TGM6: variants seen among roughly 807,000 people sequenced by gnomAD.
The protein encoded by TGM6 is protein-glutamine gamma-glutamyltransferase 6.
TGM6 carries 74 observed loss-of-function variants against 77.5 expected under a neutral mutation model. That is an observed-to-expected ratio of 0.96 (90% CI 0.79 to 1.16). TGM6 has a LOEUF of 1.16. TGM6 is among the 50% of genes most tolerant of loss of function. The pLI is 0.00. For synonymous variants in TGM6, 383 were observed against 378.9 expected (o/e 1.01, Z -0.12); for missense variants, 968 against 940.2 (o/e 1.03, Z -0.39).
chr20:2,408,431 G>A (rs910460852), intron 9 of TGM6, among the ~76,000 whole-genome samples: 4 of 152,100 alleles, frequency 2.6e-5, no homozygotes, highest in Non-Finnish European at 5.9e-5. Context: ...AGCACATATC[G>A]CAACTTGATA....
intron 10 of TGM6, among the ~76,000 whole-genome samples, chr20:2,421,423 C>A (rs1017283935): frequency 2.6e-5 from 4 of 152,202 alleles, no homozygotes; most frequent in Non-Finnish European, 5.9e-5. Flanking sequence ...AATATATGAG[C>A]ATTCCTGTTG....
intron 1 of TGM6, among the ~76,000 whole-genome samples, chr20:2,388,672 C>A (rs2084612047): frequency 6.6e-6 from 1 of 151,310 alleles, no homozygotes; most frequent in African/African-American, 2.4e-5. Flanking sequence ...GTTTTATCAT[C>A]TGTGACATTG....
intron 10 of TGM6, among the ~76,000 whole-genome samples, chr20:2,427,780 G>A (rs1471664968): frequency 6.6e-6 from 1 of 152,108 alleles, no homozygotes; most frequent in African/African-American, 2.4e-5. Flanking sequence ...TTTTCAGACA[G>A]AGTCTCGTTC....
chr20:2,399,478 A>C, intron 5 of TGM6, 83 bp from the exon 6 acceptor site: 1 of 1,605,026 alleles, frequency 6.2e-7, no homozygotes, highest in Non-Finnish European at 8.5e-7. Flanking sequence ...TGGTGGTCCA[A>C]AGTTGGACAG....
chr20:2,406,767 G>A (rs1209589786), intron 9 of TGM6, among the ~76,000 whole-genome samples: 24 of 144,232 alleles, frequency 1.7e-4, no homozygotes, highest in African/African-American at 4.2e-4. Flanking sequence ...CCTGGGAGGC[G>A]GAGGTTGCAG....
rs2084689929 is a variant in TGM6 at position 2,399,425 on chromosome 20, T to G, written c.673-136T>G. 3 of 1,171,154 alleles carry G rather than the reference T, an allele frequency of 2.6e-6. No individual in the cohort carries two copies. In the African/African-American group the frequency reaches 4.5e-5, roughly 18 times the overall value. The allele number at this position is 1,171,154 out of a possible 1,614,324, so 72.5% of individuals were successfully genotyped here. ...GGTATTTTAAGGCAACAGATGCCCC[T>G]AATTTTCAGACAGTTAAAAAGCAAG... On this transcript the variant is annotated intron_variant, in intron 5 of 12. Transcript: ENST00000202625.
intron 12 of TGM6, among the ~76,000 whole-genome samples, 153 bp from the exon 13 acceptor site, chr20:2,432,337 C>A (rs1347630066): frequency 6.6e-6 from 1 of 152,054 alleles, no homozygotes; most frequent in Admixed American, 6.6e-5. Flanking sequence ...AGTGAGCCAC[C>A]GCACCTGGCC....
intron 10 of TGM6, among the ~76,000 whole-genome samples, chr20:2,425,975 C>T (rs1158979448): frequency 6.6e-6 from 1 of 152,026 alleles, no homozygotes; most frequent in Non-Finnish European, 1.5e-5. Flanking sequence ...TATCTTGTAC[C>T]CATTATCCAA....
intron 9 of TGM6, among the ~76,000 whole-genome samples, chr20:2,409,801 T>A (rs2084773658): frequency 6.6e-6 from 1 of 150,388 alleles, no homozygotes; most frequent in African/African-American, 2.4e-5. Flanking sequence ...TGGAAATAAA[T>A]GTTAATGAAA....
chr20:2,395,275 C>T lies in TGM6; in HGVS notation c.263C>T (p.Ala88Val). The change falls in exon 3 of 13, where the codon GCA becomes GTA. Residue 88 changes from alanine to valine, a missense_variant. Physicochemically the swap from Ala to Val is moderately conservative, Grantham distance 64 (BLOSUM62 0). Coordinates refer to ENST00000202625, the MANE Select transcript of TGM6 (RefSeq NM_198994.3). Reference protein sequence around the residue: ...ELERGEGWTAAREAQMEKTLT... With the variant: ...ELERGEGWTAVREAQMEKTLT... ...GAGCGGGGTGAGGGCTGGACAGCAGCAAGGGAGGCTCAGATGGAGAAAACT... is the reference window on the plus strand; with the variant it reads ...GAGCGGGGTGAGGGCTGGACAGCAGTAAGGGAGGCTCAGATGGAGAAAACT... The T allele has an allele frequency of 6.2e-7, 1 of 1,614,170 alleles. No homozygotes were observed. The highest frequency in any genetic ancestry group is 1.7e-5 in the Admixed American group (1 of 60,026).
chr20:2,426,748 C>T (rs927627351), intron 10 of TGM6, among the ~76,000 whole-genome samples: 1 of 152,072 alleles, frequency 6.6e-6, no homozygotes, highest in Non-Finnish European at 1.5e-5. Context: ...TTATCAAATT[C>T]TTTTTCTGCA....
chr20:2,400,168 C>T (rs1229057002), intron 6 of TGM6, 138 bp from the exon 7 acceptor site: 1 of 1,248,572 alleles, frequency 8.0e-7, no homozygotes, highest in Non-Finnish European at 1.1e-6. Flanking sequence ...GCCCCACAAC[C>T]TGATGAACTA....
chr20:2,417,023 C>A (rs1034089493), intron 9 of TGM6, among the ~76,000 whole-genome samples: 2 of 152,118 alleles, frequency 1.3e-5, no homozygotes, highest in African/African-American at 4.8e-5. Context: ...AGGCTTTTGA[C>A]CCAGCTCTCA....
chr20:2,409,580 C>T lies in TGM6; in HGVS notation c.1336+5757C>T, dbSNP rs192682034. On this transcript the variant is annotated intron_variant, in intron 9 of 12. Transcript: ENST00000202625. ...TACAAAAATTAATTGGGTGTGGGGG[C>T]ATGCACCTATAGTTCCAGCTACTCG... Among the ~76,000 whole-genome samples, 47 of 151,850 alleles carry T rather than the reference C, an allele frequency of 3.1e-4. 1 individual carries two copies. In the East Asian group the frequency reaches 9.1e-3, roughly 29 times the overall value.
chr20:2,422,695 G>C (rs545885217), intron 10 of TGM6, among the ~76,000 whole-genome samples: 1 of 152,220 alleles, frequency 6.6e-6, no homozygotes, highest in Non-Finnish European at 1.5e-5. Flanking sequence ...ACTTTGGGAG[G>C]CTGAGGCAGA....
At chr20:2,407,791 G>T (rs577182657) in intron 9 of TGM6, among the ~76,000 whole-genome samples, 1 of 152,154 alleles carries the variant, frequency 6.6e-6, no homozygotes, top group Non-Finnish European at 1.5e-5. Flanking sequence ...GCCTTGGTGT[G>T]CCATACAGCA....
intron 9 of TGM6, among the ~76,000 whole-genome samples, chr20:2,410,645 C>T (rs564631224): frequency 6.6e-6 from 1 of 152,130 alleles, no homozygotes; most frequent in Admixed American, 6.5e-5. Context: ...AGCCCTTCAA[C>T]GTGTGGAGTC....
chr20:2,399,764 G>A (rs1409916867), intron 6 of TGM6, 26 bp downstream of exon 6: 5 of 1,598,618 alleles, frequency 3.1e-6, no homozygotes, highest in South Asian at 1.1e-5. Context: ...AGGGCCCCAG[G>A]GTACCTGTGC....
intron 9 of TGM6, among the ~76,000 whole-genome samples, chr20:2,410,594 C>T (rs569179293): frequency 5.1e-4 from 77 of 152,248 alleles, no homozygotes; most frequent in African/African-American, 1.3e-3. Context: ...GAGTAACCAA[C>T]ACTTGTGACT....
Sources: gnomAD v4.1 joint callset for allele counts (sites outside exome capture counted in the v4.1 genomes callset) on GRCh38, gnomAD v4.1.1 for gene constraint, MANE v1.5 for transcripts, NCBI Gene and HGNC (gene_info 2026-07-23, HGNC 2026-07-21) for gene names.